Variants in LAPTM5 observed in about 807,000 individuals in gnomAD.
LAPTM5 encodes the protein lysosomal-associated transmembrane protein 5.
LAPTM5 carries 11 observed loss-of-function variants against 30.1 expected under a neutral mutation model. That is an observed-to-expected ratio of 0.37 (90% CI 0.23 to 0.60). The LOEUF is 0.60. Among genes scored for constraint, LAPTM5 ranks in the 20% least tolerant of loss-of-function variants. The pLI is 0.71. For synonymous variants in LAPTM5, 151 were observed against 137.9 expected, an observed-to-expected ratio of 1.10 and a Z score of -0.67; for missense variants, 324 against 332.5, an observed-to-expected ratio of 0.97 and a Z score of 0.20.
At chr1:30,736,761 A>G (rs568224630) in intron 6 of LAPTM5, among the ~76,000 whole-genome samples, 1 of 152,290 alleles carries the variant, frequency 6.6e-6, no homozygotes, top group Non-Finnish European at 1.5e-5. Flanking sequence ...AATTTCTACT[A>G]TGACCTATGT....
At position 30,733,389 on chromosome 1, in the gene LAPTM5, G is replaced by T; in HGVS notation, c.*439C>A. The T allele has an allele frequency of 2.1e-6, 1 of 467,836 alleles. No homozygotes were observed. Among genetic ancestry groups the T allele is most frequent in the Non-Finnish European group, 3.3e-6 (1 of 298,518 alleles). 29.0% of individuals were successfully genotyped at this position (467,836 alleles called of 1,614,324 possible). Reference sequence around the variant, plus strand: ...TAATTAATGATTACTTGATTAAATTGCTATGTGAACTGACAACTATTTATA... The same window carrying T: ...TAATTAATGATTACTTGATTAAATTTCTATGTGAACTGACAACTATTTATA... On this transcript the variant is annotated 3_prime_UTR_variant, in exon 8 of 8. Coordinates refer to ENST00000294507, the MANE Select transcript of LAPTM5 (RefSeq NM_006762.3).
intron 6 of LAPTM5, among the ~76,000 whole-genome samples, 174 bp from the exon 7 acceptor site, chr1:30,735,439 T>C (rs1476300489): frequency 6.6e-6 from 1 of 152,178 alleles, no homozygotes; most frequent in Non-Finnish European, 1.5e-5. Context: ...GTCCAGAATA[T>C]TCCAGGTATT....
intron 6 of LAPTM5, among the ~76,000 whole-genome samples, chr1:30,736,438 T>G (rs1639886102): frequency 6.6e-6 from 1 of 152,138 alleles, no homozygotes. Context: ...TTTTGGTTTT[T>G]GTTTTTTGTT....
chr1:30,757,600 G>T, intron 1 of LAPTM5, 59 bp downstream of exon 1: 1 of 1,545,476 alleles, frequency 6.5e-7, no homozygotes, highest in Non-Finnish European at 8.9e-7. Flanking sequence ...ACGGGTCACC[G>T]CAGACATTCA....
intron 1 of LAPTM5, among the ~76,000 whole-genome samples, chr1:30,755,615 G>A (rs960867336): frequency 2.6e-5 from 4 of 152,120 alleles, no homozygotes; most frequent in Admixed American, 6.5e-5. Flanking sequence ...AGCAGGGACC[G>A]TATATCACAC....
rs1639843033 is a variant in LAPTM5, at chr1:30,733,550, T to A, written c.*278A>T. The A allele has an allele frequency of 6.7e-7, 1 of 1,483,058 alleles. No homozygotes were observed. The highest frequency in any genetic ancestry group is 2.0e-5 in the Admixed American group (1 of 49,164). 91.9% of individuals were successfully genotyped at this position (1,483,058 alleles called of 1,614,324 possible). ...AACTCACCAACTTTAGAATGGCCAA[T>A]CGTCTAAACAAGTGTCAGAGCTGAT... On this transcript the variant is annotated 3_prime_UTR_variant, in exon 8 of 8. Coordinates refer to ENST00000294507, the MANE Select transcript of LAPTM5 (RefSeq NM_006762.3).
In LAPTM5 at chr1:30,744,291, G is replaced by GA. The variant is rs928064654; in HGVS notation, c.88-1743dup. Among the ~76,000 whole-genome samples the GA allele has an allele frequency of 1.2e-4, 19 of 152,026 alleles. 1 individual carries two copies. The highest frequency in any genetic ancestry group is 4.1e-4 in the South Asian group (2 of 4,830). The stretch of plus-strand genomic sequence containing the variant: ...ACACTCACAGGAAACAGCCCTGAGA[G>GA]AAAAAAACTCCTTCCTCAGCCCCTA... On this transcript the variant is annotated intron_variant, in intron 1 of 7. Coordinates refer to ENST00000294507, the MANE Select transcript of LAPTM5 (RefSeq NM_006762.3).
intron 2 of LAPTM5, 72 bp from the exon 3 acceptor site, chr1:30,741,788 C>A: frequency 9.0e-7 from 1 of 1,112,198 alleles, no homozygotes; most frequent in Middle Eastern, 2.2e-4. Context: ...CAGGACCACA[C>A]TTGGGGAACC....
Position 30,735,275 on chromosome 1 carries a change from G to A in LAPTM5, c.607-10C>T. 6.2e-7 allele frequency: 1 copy of A among 1,612,518 alleles called. No individual in the cohort carries two copies. Among genetic ancestry groups the A allele is most frequent in the Non-Finnish European group, 8.5e-7 (1 of 1,178,784 alleles). On this transcript the variant is annotated splice_polypyrimidine_tract_variant and intron_variant, in intron 6 of 7. Transcript: ENST00000294507. ...ACTTGAACATGTAGACCTGGAAAAAGGCCCAGGTCAGGCTGTGCTTTGCTG... is the reference window on the plus strand; with the variant it reads ...ACTTGAACATGTAGACCTGGAAAAAAGCCCAGGTCAGGCTGTGCTTTGCTG...
chr1:30,737,678 C>T lies in LAPTM5; in HGVS notation c.532G>A (p.Asp178Asn), dbSNP rs866914981. 6.2e-7 allele frequency: 1 copy of T among 1,613,548 alleles called. No homozygotes were observed. Among genetic ancestry groups the T allele is most frequent in the Non-Finnish European group, 8.5e-7 (1 of 1,179,628 alleles). The change falls in exon 6 of 8, where the codon GAT becomes AAT. Residue 178 changes from aspartate to asparagine, a missense_variant. Coordinates refer to ENST00000294507, the MANE Select transcript of LAPTM5 (RefSeq NM_006762.3). ...NHMNYLPSQE[D>N]MPHNQFIKMM... ...TTGATGAACTGGTTATGAGGCATAT[C>T]CTCCTGGCTGGGGAGGTAATTCTGC... is the stretch of plus-strand genomic sequence containing the variant.
At chr1:30,740,048 G>A (rs915704967) in intron 3 of LAPTM5, 111 bp from the exon 4 acceptor site, 8 of 1,274,878 alleles carry the variant, frequency 6.3e-6, no homozygotes, top group Middle Eastern at 2.0e-4. Context: ...AACCTTCCCT[G>A]CCCTCCTCAG....
chr1:30,742,504 G>C lies in LAPTM5; in HGVS notation c.133C>G (p.His45Asp), dbSNP rs1265835751. Residue 45 changes from histidine (H) to aspartate (D), a missense_variant, in exon 2 of 8, where the codon CAT becomes GAT. Transcript: ENST00000294507. ...LFIEHSVEVA[H>D]GKASCKLSQM... ...GAGAGCTTGCAGGACGCCTTGCCAT[G>C]GGCCACCTCTACTGAGTGCTCGATG... 6.2e-6 allele frequency: 10 copies of C among 1,613,674 alleles called. No homozygotes were observed. Among genetic ancestry groups the C allele is most frequent in the Non-Finnish European group, 8.5e-6 (10 of 1,179,964 alleles).
chr1:30,739,273 C>T lies in LAPTM5; in HGVS notation c.388-211G>A, dbSNP rs1289906135. The T allele has an allele frequency of 9.1e-6, 5 of 548,348 alleles. No individual in the cohort carries two copies. The African/African-American group carries it at 9.6e-5, about 10-fold the overall frequency. 34.0% of individuals were successfully genotyped at this position (548,348 alleles called of 1,614,324 possible). A position where few individuals can be genotyped will look rare whatever the true frequency, so the allele number is the denominator to read the frequency against. On this transcript the variant is annotated intron_variant, in intron 4 of 7. Transcript: ENST00000294507. The surrounding 1 kb of genome is among the most constrained non-coding windows in gnomAD (Gnocchi z 4.2). ...AGACTAGAACCAAGGTCTCCAGACT[C>T]CCGGGCCAGGGCCCTTCCATGATGT... is the stretch of plus-strand genomic sequence containing the variant.
intron 7 of LAPTM5, among the ~76,000 whole-genome samples, chr1:30,734,972 G>A (rs770995931): frequency 6.6e-6 from 1 of 152,244 alleles, no homozygotes; most frequent in Non-Finnish European, 1.5e-5. Flanking sequence ...CTAGCAAAGA[G>A]TGAGAGGCAG....
intron 6 of LAPTM5, among the ~76,000 whole-genome samples, chr1:30,736,067 G>A (rs1465302273): frequency 1.3e-5 from 2 of 152,152 alleles, no homozygotes; most frequent in African/African-American, 4.8e-5. Context: ...GGAGCTGGGG[G>A]ACGGAGCTGT....
At chr1:30,754,638 G>T (rs977880795) in intron 1 of LAPTM5, among the ~76,000 whole-genome samples, 3 of 152,244 alleles carry the variant, frequency 2.0e-5, no homozygotes, top group Non-Finnish European at 4.4e-5. Flanking sequence ...AAGAAAGTTT[G>T]CTGGGTTCCC....
intron 6 of LAPTM5, 129 bp from the exon 7 acceptor site, chr1:30,735,394 A>C (rs1569852343): frequency 4.1e-6 from 3 of 732,080 alleles, no homozygotes; most frequent in Middle Eastern, 3.8e-4. Flanking sequence ...TCCTGCTCGG[A>C]CCTCTCATTC....
At position 30,739,015 on chromosome 1, in the gene LAPTM5, G is replaced by A. The variant is rs1569856557; in HGVS notation, c.435C>T (p.Cys145=). 1 of 1,607,238 alleles carries A rather than the reference G, an allele frequency of 6.2e-7. No homozygotes were observed. Among genetic ancestry groups the A allele is most frequent in the Non-Finnish European group, 8.5e-7 (1 of 1,176,914 alleles). The part of the protein sequence containing the change: ...PLMTLQLLDF[C]LSILTLCSSY... ...AGCTGCAGAGGGTCAGGATGCTCAGGCAGAAGTCCAGCAGCTGCAGCGTCA... is the reference window on the plus strand; with the variant it reads ...AGCTGCAGAGGGTCAGGATGCTCAGACAGAAGTCCAGCAGCTGCAGCGTCA... Residue 145 remains cysteine (C), a synonymous_variant, in exon 5 of 8, where the codon TGC becomes TGT. Transcript: ENST00000294507. The surrounding 1 kb of genome is among the most constrained non-coding windows in gnomAD (Gnocchi z 4.2).
chr1:30,738,546 G>C (rs1639922220), intron 5 of LAPTM5, among the ~76,000 whole-genome samples: 1 of 152,176 alleles, frequency 6.6e-6, no homozygotes, highest in Non-Finnish European at 1.5e-5. Flanking sequence ...CCACTCCCAA[G>C]CTCCTGATCC....
Sources: gnomAD v4.1 joint callset for allele counts (sites outside exome capture counted in the v4.1 genomes callset) on GRCh38, gnomAD v4.1.1 for gene constraint, Gnocchi (gnomAD v3.1) non-coding constraint, MANE v1.5 for transcripts, NCBI Gene and HGNC (gene_info 2026-07-23, HGNC 2026-07-21) for gene names.